CCDC15: variants seen among roughly 807,000 people sequenced by gnomAD.
The protein encoded by CCDC15 is coiled-coil domain-containing protein 15.
CCDC15 carries 105 observed loss-of-function variants against 114.5 expected under a neutral mutation model. The ratio of observed to expected loss-of-function variants is 0.92; its 90% confidence interval spans 0.78 to 1.08. The LOEUF is 1.08. Ranked by LOEUF, CCDC15 falls within the 50% of genes least tolerant of loss-of-function variation. The pLI, the probability that CCDC15 is intolerant of heterozygous loss-of-function variation, is 0.00. For synonymous variants in CCDC15, 334 were observed against 377.8 expected (o/e 0.88, Z 1.34); for missense variants, 1,105 against 1,093.6 (o/e 1.01, Z -0.15).
intron 11 of CCDC15, among the ~76,000 whole-genome samples, chr11:124,996,031 T>C (rs574327163): frequency 9.9e-5 from 15 of 152,142 alleles, no homozygotes; most frequent in Admixed American, 3.3e-4. Context: ...GGTTTCGTCA[T>C]GTTTGCCATG....
intron 13 of CCDC15, among the ~76,000 whole-genome samples, chr11:125,005,948 T>C (rs1163420423): frequency 6.6e-6 from 1 of 152,220 alleles, no homozygotes; most frequent in Non-Finnish European, 1.5e-5. Flanking sequence ...TATCACAGTT[T>C]AGTTATTCAT....
At chr11:125,032,776 C>G (rs1948749059) in intron 13 of CCDC15, among the ~76,000 whole-genome samples, 1 of 152,150 alleles carries the variant, frequency 6.6e-6, no homozygotes, top group Non-Finnish European at 1.5e-5. Context: ...GAAATGACCA[C>G]AGGATGAGTC....
chr11:125,017,572 G>A (rs768641828), intron 13 of CCDC15, among the ~76,000 whole-genome samples: 13 of 152,066 alleles, frequency 8.5e-5, no homozygotes, highest in Admixed American at 1.3e-4. Flanking sequence ...GGCTGATGAC[G>A]ATAATGAACA....
At chr11:125,010,820 G>C (rs1011141473) in intron 13 of CCDC15, among the ~76,000 whole-genome samples, 2 of 152,080 alleles carry the variant, frequency 1.3e-5, no homozygotes, top group African/African-American at 4.8e-5. Context: ...ATCAATTTTT[G>C]CTTTTGTTGC....
chr11:124,980,654 TTC>T (rs1047191511), intron 6 of CCDC15, among the ~76,000 whole-genome samples: 1 of 152,248 alleles, frequency 6.6e-6, no homozygotes, highest in Non-Finnish European at 1.5e-5. Context: ...TATTTGGATA[TTC>T]TCTCTTTTTA....
At chr11:125,010,735 A>G (rs950618317) in intron 13 of CCDC15, among the ~76,000 whole-genome samples, 2 of 152,164 alleles carry the variant, frequency 1.3e-5, no homozygotes, top group Non-Finnish European at 2.9e-5. Context: ...ATCTTCTACC[A>G]TTCTGTAGGT....
intron 13 of CCDC15, among the ~76,000 whole-genome samples, chr11:125,020,126 G>A (rs1483041747): frequency 6.6e-6 from 1 of 151,808 alleles, no homozygotes; most frequent in Non-Finnish European, 1.5e-5. Context: ...GAAAAAACAG[G>A]AACAGCAGGA....
intron 9 of CCDC15, 47 bp from the exon 10 acceptor site, chr11:124,992,533 C>A: frequency 8.8e-7 from 1 of 1,141,846 alleles, no homozygotes; most frequent in Admixed American, 2.0e-5. Context: ...TAGCATTACA[C>A]AATTTTTTTT....
At chr11:125,010,075 G>A (rs553349194) in intron 13 of CCDC15, among the ~76,000 whole-genome samples, 1 of 152,232 alleles carries the variant, frequency 6.6e-6, no homozygotes, top group Admixed American at 6.5e-5. Flanking sequence ...GCTTTCCACA[G>A]TGGCTGAACT....
At chr11:124,996,641 C>T (rs1948375762) in intron 11 of CCDC15, among the ~76,000 whole-genome samples, 1 of 151,476 alleles carries the variant, frequency 6.6e-6, no homozygotes, top group Non-Finnish European at 1.5e-5. Flanking sequence ...CACCACCATC[C>T]ATCTCCAGAG....
intron 11 of CCDC15, among the ~76,000 whole-genome samples, chr11:124,994,796 G>A (rs894738603): frequency 6.6e-6 from 1 of 152,090 alleles, no homozygotes; most frequent in Non-Finnish European, 1.5e-5. Context: ...ATTTTTCCGT[G>A]GCTTAACTGA....
chr11:125,024,831 T>C (rs551779532), intron 13 of CCDC15, among the ~76,000 whole-genome samples: 2 of 151,820 alleles, frequency 1.3e-5, no homozygotes, highest in East Asian at 3.9e-4. Flanking sequence ...ATAGAAGTGA[T>C]GAGAATGGAT....
At chr11:125,011,330 C>G (rs934815752) in intron 13 of CCDC15, among the ~76,000 whole-genome samples, 2 of 151,622 alleles carry the variant, frequency 1.3e-5, no homozygotes, top group African/African-American at 4.9e-5. Context: ...CTCCACCTCC[C>G]GAGTTCAAGC....
intron 4 of CCDC15, among the ~76,000 whole-genome samples, chr11:124,972,234 T>C (rs1947897504): frequency 6.6e-6 from 1 of 152,218 alleles, no homozygotes; most frequent in African/African-American, 2.4e-5. Flanking sequence ...AACAGTTAAC[T>C]ACAAAAGAAT....
At chr11:125,013,913 G>A (rs150322473) in intron 13 of CCDC15, among the ~76,000 whole-genome samples, 83 of 152,322 alleles carry the variant, frequency 5.4e-4, no homozygotes, top group African/African-American at 1.8e-3. Context: ...AGAGCTTTTG[G>A]TGGTCTGAAG....
intron 4 of CCDC15, among the ~76,000 whole-genome samples, chr11:124,972,101 T>G (rs904661269): frequency 3.9e-5 from 6 of 152,192 alleles, no homozygotes; most frequent in Non-Finnish European, 7.4e-5. Flanking sequence ...TTTTGTTTTA[T>G]CTGGAGTTAT....
intron 13 of CCDC15, among the ~76,000 whole-genome samples, chr11:125,029,712 A>G (rs906378140): frequency 5.9e-5 from 9 of 152,098 alleles, no homozygotes; most frequent in African/African-American, 2.2e-4. Flanking sequence ...AGCACCTCGG[A>G]GAGTCTTGGT....
chr11:125,018,094 T>C (rs1948640108), intron 13 of CCDC15, among the ~76,000 whole-genome samples: 1 of 152,104 alleles, frequency 6.6e-6, no homozygotes, highest in African/African-American at 2.4e-5. Context: ...CAGTAGTATA[T>C]CATAATGACC....
At chr11:125,040,038 G>GT (rs1277638809) in intron 15 of CCDC15, among the ~76,000 whole-genome samples, 1 of 147,996 alleles carries the variant, frequency 6.8e-6, no homozygotes, top group Admixed American at 6.7e-5. Flanking sequence ...GTTGTTGTTT[G>GT]TTTTTTTGTT....
Sources: allele counts gnomAD v4.1 joint callset (sites outside exome capture counted in the v4.1 genomes callset), GRCh38; gene constraint gnomAD v4.1.1; transcripts MANE v1.5; gene names NCBI Gene and HGNC (gene_info 2026-07-23, HGNC 2026-07-21).